Variants in CEP131 observed in about 807,000 individuals in gnomAD.
CEP131 encodes the protein centrosomal protein 131, also known as centrosomal protein of 131 kDa.
CEP131 carries 99 observed loss-of-function variants against 136.8 expected under a neutral mutation model. That is an observed-to-expected ratio of 0.72 (90% CI 0.62 to 0.86). The LOEUF (loss-of-function observed/expected upper bound fraction) is 0.86. Among genes scored for constraint, CEP131 ranks in the 40% least tolerant of loss-of-function variants. The pLI is 0.00. For missense variants in CEP131, 1,459 were observed against 1,463.0 expected, an observed-to-expected ratio of 1.00 and a Z score of 0.04; for synonymous variants, 646 against 612.7, an observed-to-expected ratio of 1.05 and a Z score of -0.80.
intron 1 of CEP131, among the ~76,000 whole-genome samples, chr17:81,220,475 G>C (rs575410991): frequency 6.6e-6 from 1 of 152,118 alleles, no homozygotes; most frequent in Non-Finnish European, 1.5e-5. Context: ...TTCTGTAAAA[G>C]GGACATTTGA....
chr17:81,191,990 G>C (rs2146488413), intron 21 of CEP131, among the ~76,000 whole-genome samples: 1 of 152,260 alleles, frequency 6.6e-6, no homozygotes, highest in South Asian at 2.1e-4. Context: ...TGTTGTGCGT[G>C]TCCCTCTCGG....
At position 81,191,009 on chromosome 17, in the gene CEP131, C is replaced by A; in HGVS notation, c.2841G>T (p.Arg947=). 1 of 1,609,874 alleles carries A rather than the reference C, an allele frequency of 6.2e-7. No homozygotes were observed. The highest frequency in any genetic ancestry group is 8.5e-7 in the Non-Finnish European group (1 of 1,179,910). Residue 947 remains arginine, a synonymous_variant, in exon 23 of 26, where the codon CGG becomes CGT. Coordinates refer to ENST00000450824, the MANE Select transcript of CEP131 (RefSeq NM_014984.4). ...LEQSERKLQE[R]CSELKGQLGE... is the part of the protein sequence containing the mutation. ...CAAGCTGGCCCTTCAGCTCCGAGCA[C>A]CGCTCCTGAAGCTTCCGCTCCGACT...
intron 19 of CEP131, 60 bp from the exon 20 acceptor site, chr17:81,192,653 G>C: frequency 7.0e-7 from 1 of 1,419,090 alleles, no homozygotes; most frequent in Admixed American, 1.7e-5. Flanking sequence ...AGGGATGGGA[G>C]AGGTCAGCGG....
chr17:81,197,374 A>C (rs1043173666), intron 13 of CEP131: 1 of 482,214 alleles, frequency 2.1e-6, no homozygotes, highest in Non-Finnish European at 3.6e-6. Flanking sequence ...CACCCAGGAC[A>C]AACCAACCCA....
chr17:81,200,530 G>T, intron 7 of CEP131, 84 bp from the exon 8 acceptor site: 1 of 1,053,518 alleles, frequency 9.5e-7, no homozygotes, highest in South Asian at 1.4e-5. Flanking sequence ...GGTCGAGCCG[G>T]GGAAGAGAGA....
At chr17:81,220,558 G>T (rs560455125) in intron 1 of CEP131, among the ~76,000 whole-genome samples, 4 of 152,110 alleles carry the variant, frequency 2.6e-5, no homozygotes, top group Admixed American at 6.5e-5. Context: ...GCAGTGGCGC[G>T]ATCTCGGCTC....
intron 9 of CEP131, 21 bp downstream of exon 9, chr17:81,199,698 T>C: frequency 6.2e-7 from 1 of 1,605,446 alleles, no homozygotes; most frequent in Non-Finnish European, 8.5e-7. Flanking sequence ...TGCTGCTCAG[T>C]GGTCCCTGCG....
chr17:81,205,447 T>TG (rs1195665703), intron 5 of CEP131, among the ~76,000 whole-genome samples: 1 of 13,360 alleles, frequency 7.5e-5, no homozygotes, highest in African/African-American at 5.1e-4. Context: ...GTAGGAGGGG[T>TG]GGGGGGGTAG....
At chr17:81,205,864 G>A (rs2061998546) in intron 5 of CEP131, among the ~76,000 whole-genome samples, 1 of 152,144 alleles carries the variant, frequency 6.6e-6, no homozygotes, top group Non-Finnish European at 1.5e-5. Flanking sequence ...GTGGACTCCA[G>A]TCAGGGTGAC....
Position 81,192,692 on chromosome 17 carries a change from AGCGAGGGGTCCCTGGGAGAGGGCGT to A in CEP131, c.2429+19_2429+43del. 1 of 1,427,150 alleles carries A rather than the reference AGCGAGGGGTCCCTGGGAGAGGGCGT, an allele frequency of 7.0e-7. No homozygotes were observed. Among genetic ancestry groups the A allele is most frequent in the Non-Finnish European group, 9.6e-7 (1 of 1,045,004 alleles). The allele number at this position is 1,427,150 out of a possible 1,614,324, so 88.4% of individuals were successfully genotyped here. A position where few individuals can be genotyped will look rare whatever the true frequency, so the allele number is the denominator to read the frequency against. On this transcript the variant is annotated intron_variant, in intron 19 of 25. Coordinates refer to ENST00000450824, the MANE Select transcript of CEP131 (RefSeq NM_014984.4). ...AGGGGGCGGGGGGGAGGGGTCAGCCAGCGAGGGGTCCCTGGGAGAGGGCGTGGTGCCCCCGGGCGGCACCTGGCTG... is the reference window on the plus strand; with the variant it reads ...AGGGGGCGGGGGGGAGGGGTCAGCCAGGTGCCCCCGGGCGGCACCTGGCTG...
chr17:81,203,309 G>A lies in CEP131; in HGVS notation c.629+185C>T, dbSNP rs1029044861. ...TCACAGCTGCTCCACGCGGTTTTAC[G>A]TGCACTGACCACGTGCCCTGACCGA... On this transcript the variant is annotated intron_variant, in intron 6 of 25. Coordinates refer to ENST00000450824, the MANE Select transcript of CEP131 (RefSeq NM_014984.4). This position sits in a 1 kb window ranked among gnomAD's most constrained non-coding sequence, Gnocchi z 4.6. Among the ~76,000 whole-genome samples, 2 of 152,200 alleles carry A rather than the reference G, an allele frequency of 1.3e-5. No homozygotes were observed. The highest frequency in any genetic ancestry group is 6.5e-5 in the Admixed American group (1 of 15,278).
In CEP131 at chr17:81,192,731, G is replaced by A. The variant is rs764845010; in HGVS notation, c.2429+5C>T. 1.8e-5 allele frequency: 28 copies of A among 1,556,426 alleles called. No individual in the cohort carries two copies. Among genetic ancestry groups the A allele is most frequent in the East Asian group, 2.2e-5 (1 of 44,472 alleles). On this transcript the variant is annotated splice_donor_5th_base_variant and intron_variant, in intron 19 of 25. Coordinates refer to ENST00000450824, the MANE Select transcript of CEP131 (RefSeq NM_014984.4). Reference sequence around the variant, plus strand: ...GGGAGAGGGCGTGGTGCCCCCGGGCGGCACCTGGCTGCCTGCTGGCCCAGC... The same window carrying A: ...GGGAGAGGGCGTGGTGCCCCCGGGCAGCACCTGGCTGCCTGCTGGCCCAGC...
rs761634368 is a variant in CEP131, at chr17:81,189,950, C to T, written c.3133G>A (p.Glu1045Lys). 2.5e-6 allele frequency: 4 copies of T among 1,611,380 alleles called. No individual in the cohort carries two copies. The highest frequency in any genetic ancestry group is 2.2e-5 in the South Asian group (2 of 90,962). ...RRVKTALARK[E>K]EAVSSLRTQH... ...GTCCGGAGGCTGCTCACGGCCTCCT[C>T]CTTCCTCGCGAGGGCTGTCTTCACC... Residue 1045 changes from glutamate (E) to lysine (K), a missense_variant, in exon 25 of 26, where the codon GAG becomes AAG. Around this residue, in one of 3 missense-constraint regions of CEP131, gnomAD observed 1,026 missense variants for 964.2 expected, o/e 1.06. Transcript: ENST00000450824.
intron 21 of CEP131, 21 bp from the exon 22 acceptor site, chr17:81,191,356 TG>T: frequency 6.2e-7 from 1 of 1,612,064 alleles, no homozygotes. Context: ...ATGCGCTGCC[TG>T]GGGGTTGCCA....
chr17:81,192,957 C>G, intron 18 of CEP131, 114 bp from the exon 19 acceptor site: 1 of 1,458,440 alleles, frequency 6.9e-7, no homozygotes, highest in Non-Finnish European at 9.1e-7. Flanking sequence ...GAGCAGCCCT[C>G]CGGGGCCCTG....
chr17:81,219,078 C>T lies in CEP131; in HGVS notation c.177+802G>A, dbSNP rs1269261604. On this transcript the variant is annotated intron_variant, in intron 2 of 25. Transcript: ENST00000450824. This position sits in a 1 kb window ranked among gnomAD's most constrained non-coding sequence, Gnocchi z 4.0. Reference sequence around the variant, plus strand: ...TGCCCCAAAGACTGGGCCTGGCAGACACCAACTCAGGGTGCAGCAGGCCCG... The same window carrying T: ...TGCCCCAAAGACTGGGCCTGGCAGATACCAACTCAGGGTGCAGCAGGCCCG... Among the ~76,000 whole-genome samples, 1 of 152,112 alleles carries T rather than the reference C, an allele frequency of 6.6e-6. No individual in the cohort carries two copies. Among genetic ancestry groups the T allele is most frequent in the Non-Finnish European group, 1.5e-5 (1 of 68,016 alleles).
Position 81,189,737 on chromosome 17 carries a change from C to A in CEP131, c.*32G>T. 1 of 1,564,914 alleles carries A rather than the reference C, an allele frequency of 6.4e-7. No individual in the cohort carries two copies. ...ACGTCCAGCCTCTGTCCTCTGCCTT[C>A]CGTTCTTCGACAGTGTTCCCGGCAT... On this transcript the variant is annotated 3_prime_UTR_variant, in exon 26 of 26. Transcript: ENST00000450824.
Position 81,198,857 on chromosome 17 carries a change from A to C in CEP131, c.1287+20T>G, listed in dbSNP as rs2061825930. Reference sequence around the variant, plus strand: ...TAAAGCCAAAAACCATGATGGAGTGAAGGACAGCTGTGCTCAGACCTGCGT... The same window carrying C: ...TAAAGCCAAAAACCATGATGGAGTGCAGGACAGCTGTGCTCAGACCTGCGT... On this transcript the variant is annotated intron_variant, in intron 11 of 25. Coordinates refer to ENST00000450824, the MANE Select transcript of CEP131 (RefSeq NM_014984.4). 1.3e-6 allele frequency: 2 copies of C among 1,562,438 alleles called. No homozygotes were observed. Among genetic ancestry groups the C allele is most frequent in the East Asian group, 4.7e-5 (2 of 42,224 alleles).
intron 6 of CEP131, 128 bp from the exon 7 acceptor site, chr17:81,202,526 G>T: frequency 9.2e-7 from 1 of 1,082,524 alleles, no homozygotes; most frequent in Non-Finnish European, 1.3e-6. Flanking sequence ...GCTGGCAGCC[G>T]GGGCAGAGGG....
Sources: gnomAD v4.1 joint callset for allele counts (sites outside exome capture counted in the v4.1 genomes callset) on GRCh38, gnomAD v4.1.1 for gene constraint, gnomAD v4.1.1 regional missense constraint, Gnocchi (gnomAD v3.1) non-coding constraint, MANE v1.5 for transcripts, NCBI Gene and HGNC (gene_info 2026-07-23, HGNC 2026-07-21) for gene names.